AUTS2: variants seen among roughly 807,000 people sequenced by gnomAD.
AUTS2 encodes the protein activator of transcription and developmental regulator AUTS2, also known as autism susceptibility gene 2 protein.
Under a neutral mutation model 112.4 loss-of-function variants are expected in AUTS2, and 17 were observed. The observed-to-expected ratio is 0.15, with a 90% confidence interval of 0.10 to 0.23. The LOEUF is 0.23. Among genes scored for constraint, AUTS2 ranks in the 10% least tolerant of loss-of-function variants. The probability of loss-of-function intolerance (pLI) is 1.00; values close to 1 mark genes in which losing one functional copy is unlikely to be tolerated. For missense variants in AUTS2, 1,510 were observed against 1,701.6 expected (o/e 0.89, Z 1.98); for synonymous variants, 751 against 702.7 (o/e 1.07, Z -1.09).
chr7:69,783,434 C>T (rs1789232954), intron 1 of AUTS2, among the ~76,000 whole-genome samples: 1 of 152,106 alleles, frequency 6.6e-6, no homozygotes, highest in Non-Finnish European at 1.5e-5. Flanking sequence ...TGGTTCCCAG[C>T]TGGCAGATTT....
chr7:69,940,771 G>T (rs538864118), intron 2 of AUTS2, among the ~76,000 whole-genome samples: 2 of 152,318 alleles, frequency 1.3e-5, no homozygotes, highest in South Asian at 4.1e-4. Context: ...GAGGATGGCA[G>T]CCTGGACCAA....
intron 6 of AUTS2, among the ~76,000 whole-genome samples, chr7:70,745,424 C>A (rs548420120): frequency 6.6e-6 from 1 of 152,128 alleles, no homozygotes; most frequent in Non-Finnish European, 1.5e-5. Context: ...ATCAGGTTTC[C>A]GGATTTAAAG....
chr7:70,341,804 A>G (rs1791275951), intron 4 of AUTS2, among the ~76,000 whole-genome samples: 1 of 152,234 alleles, frequency 6.6e-6, no homozygotes, highest in East Asian at 1.9e-4. Flanking sequence ...GTAAGGACAG[A>G]TCTGTAGAAA....
intron 2 of AUTS2, among the ~76,000 whole-genome samples, chr7:69,916,944 A>G (rs1795602616): frequency 6.6e-6 from 1 of 152,194 alleles, no homozygotes; most frequent in African/African-American, 2.4e-5. Context: ...ATTTGTTTCA[A>G]GAGTTTTCAT....
At chr7:70,195,290 G>A (rs544971135) in intron 4 of AUTS2, among the ~76,000 whole-genome samples, 13 of 152,184 alleles carry the variant, frequency 8.5e-5, no homozygotes, top group South Asian at 4.2e-4. Flanking sequence ...ACCTACCCCT[G>A]GAAATCATAT....
At chr7:70,553,422 G>GT (rs1294652841) in intron 5 of AUTS2, among the ~76,000 whole-genome samples, 1 of 152,198 alleles carries the variant, frequency 6.6e-6, no homozygotes, top group Non-Finnish European at 1.5e-5. Context: ...AAGACAGGCA[G>GT]TGGAGGCATC....
intron 5 of AUTS2, among the ~76,000 whole-genome samples, chr7:70,451,462 T>C (rs1394569625): frequency 1.3e-5 from 2 of 152,078 alleles, no homozygotes; most frequent in Non-Finnish European, 2.9e-5. Context: ...CATATCTTTA[T>C]TTTTTCATTT....
At chr7:70,703,548 A>G (rs1377782657) in intron 6 of AUTS2, among the ~76,000 whole-genome samples, 3 of 151,944 alleles carry the variant, frequency 2.0e-5, no homozygotes, top group African/African-American at 4.8e-5. Flanking sequence ...CATGAAAATA[A>G]TGCAGTTGAC....
At chr7:70,525,599 G>C (rs1032282848) in intron 5 of AUTS2, among the ~76,000 whole-genome samples, 2 of 152,174 alleles carry the variant, frequency 1.3e-5, no homozygotes, top group Non-Finnish European at 2.9e-5. Flanking sequence ...AAAGAGTGAC[G>C]GGTTATGACT....
chr7:69,669,125 A>T (rs1796200164), intron 1 of AUTS2, among the ~76,000 whole-genome samples: 1 of 152,158 alleles, frequency 6.6e-6, no homozygotes, highest in African/African-American at 2.4e-5. Flanking sequence ...TGTGTAATAT[A>T]TTTTGCTATA....
intron 5 of AUTS2, among the ~76,000 whole-genome samples, chr7:70,689,519 G>A (rs1039689961): frequency 4.0e-5 from 6 of 151,512 alleles, no homozygotes; most frequent in Non-Finnish European, 7.4e-5. Context: ...GCTCATGCCT[G>A]TAATCCCAGC....
intron 4 of AUTS2, among the ~76,000 whole-genome samples, chr7:70,165,221 G>A (rs7798890): frequency 0.11 from 16,773 of 152,104 alleles, 1,474 homozygotes; most frequent in African/African-American, 0.24. Context: ...AAAATTTCCT[G>A]ACCGCCTAAC....
At chr7:70,362,145 A>G (rs12539134) in intron 4 of AUTS2, among the ~76,000 whole-genome samples, 3,592 of 152,362 alleles carry the variant, frequency 0.024, 75 homozygotes, top group Admixed American at 0.04. Flanking sequence ...TACTACTTCC[A>G]TCAGCAGGAA....
intron 2 of AUTS2, among the ~76,000 whole-genome samples, chr7:69,951,779 G>A (rs1163726823): frequency 6.6e-6 from 1 of 152,052 alleles, no homozygotes; most frequent in African/African-American, 2.4e-5. Context: ...TTCATTAGGG[G>A]TATCCATTAG....
chr7:70,611,042 G>T (rs888832751), intron 5 of AUTS2, among the ~76,000 whole-genome samples: 5 of 152,150 alleles, frequency 3.3e-5, no homozygotes, highest in African/African-American at 1.2e-4. Flanking sequence ...AAACATCTTT[G>T]TGAATGTCAT....
At chr7:69,710,149 ATAAG>A in intron 1 of AUTS2, among the ~76,000 whole-genome samples, 1 of 152,278 alleles carries the variant, frequency 6.6e-6, no homozygotes, top group East Asian at 1.9e-4. Flanking sequence ...CTTAATTCCC[ATAAG>A]TAATTTTAAA....
intron 1 of AUTS2, among the ~76,000 whole-genome samples, chr7:69,646,633 A>C (rs186676071): frequency 1.4e-3 from 218 of 152,322 alleles, no homozygotes; most frequent in African/African-American, 5.1e-3. Flanking sequence ...ATAACAGACC[A>C]ATGTGGGTAA....
intron 5 of AUTS2, among the ~76,000 whole-genome samples, chr7:70,583,695 T>C (rs953489416): frequency 6.6e-6 from 1 of 152,214 alleles, no homozygotes; most frequent in Admixed American, 6.5e-5. Flanking sequence ...CCAGGCACCA[T>C]GACCGCTGAA....
intron 1 of AUTS2, among the ~76,000 whole-genome samples, chr7:69,603,832 TG>T (rs745853139): frequency 1.2e-4 from 18 of 152,200 alleles, no homozygotes; most frequent in Non-Finnish European, 2.5e-4. Context: ...ATGGGAATGT[TG>T]GGGTCCTACT....
Sources: allele counts gnomAD v4.1 joint callset (sites outside exome capture counted in the v4.1 genomes callset), GRCh38; gene constraint gnomAD v4.1.1; transcripts MANE v1.5; gene names NCBI Gene and HGNC (gene_info 2026-07-23, HGNC 2026-07-21).